The following DGCR8 variants were observed in gnomAD, a reference collection of about 807,000 sequenced individuals.
DGCR8 encodes microprocessor complex subunit DGCR8.
DGCR8 carries 14 observed loss-of-function variants against 78.5 expected under a neutral mutation model. The observed-to-expected ratio is 0.18, with a 90% CI of 0.12 to 0.28. The LOEUF is 0.28. DGCR8 is among the 10% of genes least tolerant of loss of function. The pLI is 1.00. For missense variants in DGCR8, 702 were observed against 1,022.5 expected, an observed-to-expected ratio of 0.69 and a Z score of 4.28; for synonymous variants, 399 against 402.4, an observed-to-expected ratio of 0.99 and a Z score of 0.10.
chr22:20,103,138 T>TA (rs74748895), intron 9 of DGCR8, among the ~76,000 whole-genome samples: 19,966 of 142,040 alleles, frequency 0.14, 1,627 homozygotes, highest in Non-Finnish European at 0.19. Flanking sequence ...AACCCCATCT[T>TA]AAAAAAAAAA....
chr22:20,098,502 A>G (rs560049844), intron 9 of DGCR8, among the ~76,000 whole-genome samples: 7 of 152,130 alleles, frequency 4.6e-5, no homozygotes, highest in Admixed American at 3.9e-4. Flanking sequence ...ATATATGGCA[A>G]CTCTGGAAAT....
chr22:20,107,480 C>T (rs973693384), intron 12 of DGCR8, 82 bp downstream of exon 12: 4 of 1,544,358 alleles, frequency 2.6e-6, no homozygotes, highest in South Asian at 1.1e-5. Flanking sequence ...TCAGAGGGGG[C>T]AGAGCTGGGC....
At chr22:20,107,486 T>C (rs1416994963) in intron 12 of DGCR8, 88 bp downstream of exon 12, 1 of 1,527,110 alleles carries the variant, frequency 6.5e-7, no homozygotes, top group Non-Finnish European at 9.0e-7. Flanking sequence ...GGGGCAGAGC[T>C]GGGCAGCTCT....
intron 13 of DGCR8, among the ~76,000 whole-genome samples, chr22:20,109,391 C>T (rs375642476): frequency 3.2e-4 from 49 of 152,238 alleles, no homozygotes; most frequent in African/African-American, 9.9e-4. Flanking sequence ...AAAGAGGGGC[C>T]TGTCAGGCTG....
intron 9 of DGCR8, among the ~76,000 whole-genome samples, chr22:20,096,905 T>C (rs977097528): frequency 6.6e-6 from 1 of 152,232 alleles, no homozygotes; most frequent in African/African-American, 2.4e-5. Context: ...TGTCAAATGT[T>C]TTTCTGCTTC....
chr22:20,099,803 A>T (rs1476530887), intron 9 of DGCR8, among the ~76,000 whole-genome samples: 1 of 152,190 alleles, frequency 6.6e-6, no homozygotes, highest in Non-Finnish European at 1.5e-5. Context: ...TGGTGCTGTT[A>T]TAAAATATGG....
Position 20,090,139 on chromosome 22 carries a change from ACT to A in DGCR8, c.1190_1191del (p.Ser397TyrfsTer4). ...CTGGAGTTTCCCCTGGATGAGCCTG[ACT>A]CTATGGGTGCTGACCCGGGGCCCCC... On this transcript the variant is annotated frameshift_variant, in exon 5 of 14. Transcript: ENST00000351989. LOFTEE classifies it high-confidence loss of function. The A allele has an allele frequency of 6.2e-7, 1 of 1,613,936 alleles. No individual in the cohort carries two copies. The highest frequency in any genetic ancestry group is 2.2e-5 in the East Asian group (1 of 44,854).
intron 12 of DGCR8, chr22:20,108,682 C>A: frequency 2.3e-6 from 1 of 426,260 alleles, no homozygotes. Flanking sequence ...ATGGACTGCC[C>A]CTCGCTCTCT....
Position 20,107,110 on chromosome 22 carries a change from G to C in DGCR8, c.1997-161G>C, listed in dbSNP as rs139082820. On this transcript the variant is annotated intron_variant, in intron 11 of 13. Transcript: ENST00000351989. ...TCAAGGTGGCAGCTGGGTACTGTGA[G>C]ACTCAGGTGCCCAGAGCAGTGGCAG... 6.0e-5 allele frequency: 44 copies of C among 732,970 alleles called. No homozygotes were observed. In the African/African-American group the frequency reaches 6.5e-4, roughly 11 times the overall value. 45.4% of individuals were successfully genotyped at this position (732,970 alleles called of 1,614,324 possible).
Position 20,091,853 on chromosome 22 carries a change from G to T in DGCR8, c.1505-16G>T, listed in dbSNP as rs771156181. 3.1e-6 allele frequency: 5 copies of T among 1,612,170 alleles called. No individual in the cohort carries two copies. The highest frequency in any genetic ancestry group is 1.1e-5 in the South Asian group (1 of 91,016). ...GCACTGCTTCACACTTGCTGAGATG[G>T]TTCTTTTTGTCACAGAGTTTGTTAT... On this transcript the variant is annotated splice_polypyrimidine_tract_variant and intron_variant, in intron 6 of 13. Transcript: ENST00000351989.
rs537159063 is a variant in DGCR8, at chr22:20,095,549, G to A, written c.1788+754G>A. On this transcript the variant is annotated intron_variant, in intron 9 of 13. Transcript: ENST00000351989. ...GGTAACCTACTCTTGACCAGAAGCC[G>A]TACCAGTAACAAACAATTGATTAAT... Among the ~76,000 whole-genome samples, 20 of 152,184 alleles carry A rather than the reference G, an allele frequency of 1.3e-4. 2 individuals carry two copies. The highest frequency in any genetic ancestry group is 1.2e-3 in the South Asian group (6 of 4,818).
rs928244965 is a variant in DGCR8, at chr22:20,080,264, C to A, written c.-397C>A. On this transcript the variant is annotated 5_prime_UTR_variant, in exon 1 of 14. Coordinates refer to ENST00000351989, the MANE Select transcript of DGCR8 (RefSeq NM_022720.7). ...CCCTCCGCTCGCCCGGCGCGGCAGGCGGGTGCCGGCGACCGGAGAGCCTGG... is the reference window on the plus strand; with the variant it reads ...CCCTCCGCTCGCCCGGCGCGGCAGGAGGGTGCCGGCGACCGGAGAGCCTGG... 1.4e-4 allele frequency: 140 copies of A among 978,860 alleles called. 2 individuals carry two copies. In the South Asian group the frequency reaches 5.8e-3, roughly 41 times the overall value. 60.6% of individuals were successfully genotyped at this position (978,860 alleles called of 1,614,324 possible). A position where few individuals can be genotyped will look rare whatever the true frequency, so the allele number is the denominator to read the frequency against.
At chr22:20,098,370 T>G (rs987649606) in intron 9 of DGCR8, among the ~76,000 whole-genome samples, 2 of 152,150 alleles carry the variant, frequency 1.3e-5, no homozygotes, top group Non-Finnish European at 2.9e-5. Context: ...TTCTGGTAAG[T>G]CCAGTTCTCA....
intron 9 of DGCR8, chr22:20,101,111 G>A (rs2049695341): frequency 8.4e-6 from 7 of 836,918 alleles, no homozygotes; most frequent in East Asian, 1.2e-4. Context: ...TGGTGGGGTC[G>A]TTTTGAATCA....
Position 20,087,382 on chromosome 22 carries a change from T to C in DGCR8, c.880+61T>C. 6.6e-7 allele frequency: 1 copy of C among 1,525,584 alleles called. No individual in the cohort carries two copies. Among genetic ancestry groups the C allele is most frequent in the South Asian group, 1.3e-5 (1 of 78,930 alleles). The allele number at this position is 1,525,584 out of a possible 1,614,324, so 94.5% of individuals were successfully genotyped here. On this transcript the variant is annotated intron_variant, in intron 3 of 13. Coordinates refer to ENST00000351989, the MANE Select transcript of DGCR8 (RefSeq NM_022720.7). The surrounding 1 kb of genome is among the most constrained non-coding windows in gnomAD (Gnocchi z 4.1). Reference sequence around the variant, plus strand: ...GGCAGTGGAGGGGTGGTTGCTTCCTTAGCAGAAATGCTTTGAGAGAGCTCT... The same window carrying C: ...GGCAGTGGAGGGGTGGTTGCTTCCTCAGCAGAAATGCTTTGAGAGAGCTCT...
chr22:20,105,254 C>T (rs9606251), intron 9 of DGCR8, among the ~76,000 whole-genome samples: 1 of 152,116 alleles, frequency 6.6e-6, no homozygotes, highest in East Asian at 1.9e-4. Context: ...CAAGGGATGC[C>T]GGGGCCACCA....
intron 9 of DGCR8, among the ~76,000 whole-genome samples, chr22:20,103,000 C>T (rs907358618): frequency 7.9e-5 from 12 of 151,994 alleles, no homozygotes; most frequent in Non-Finnish European, 1.6e-4. Context: ...GGCGTGGTGG[C>T]GGGCACATGT....
At chr22:20,094,927 C>T in intron 9 of DGCR8, 132 bp downstream of exon 9, 2 of 685,848 alleles carry the variant, frequency 2.9e-6, no homozygotes, top group Non-Finnish European at 5.1e-6. Flanking sequence ...CTCATCCAGC[C>T]TCCAGGTTCT....
chr22:20,101,061 CG>C (rs766726117), intron 9 of DGCR8: 19 of 417,880 alleles, frequency 4.5e-5, no homozygotes, highest in Middle Eastern at 1.2e-3. Flanking sequence ...TTGATTTCTC[CG>C]GGGAGCCCAC....
Sources: allele counts gnomAD v4.1 joint callset (sites outside exome capture counted in the v4.1 genomes callset), GRCh38; gene constraint gnomAD v4.1.1; non-coding constraint Gnocchi (gnomAD v3.1); transcripts MANE v1.5; gene names NCBI Gene and HGNC (gene_info 2026-07-23, HGNC 2026-07-21).